ASTN2: variants seen among roughly 807,000 people sequenced by gnomAD.
ASTN2 encodes the protein astrotactin-2.
ASTN2 carries 54 observed loss-of-function variants against 139.8 expected under a neutral mutation model. The ratio of observed to expected loss-of-function variants is 0.39; its 90% CI spans 0.31 to 0.48. The LOEUF is 0.48. Ranked by LOEUF, ASTN2 falls within the 20% of genes least tolerant of loss-of-function variation. The pLI is 0.95. For synonymous variants in ASTN2, 756 were observed against 719.5 expected, an observed-to-expected ratio of 1.05 and a Z score of -0.81; for missense variants, 1,565 against 1,725.1, an observed-to-expected ratio of 0.91 and a Z score of 1.64.
Position 116,698,249 on chromosome 9 carries a change from C to T in ASTN2, c.2806+27522G>A. 6.2e-7 allele frequency: 1 copy of T among 1,614,156 alleles called. No homozygotes were observed. Among genetic ancestry groups the T allele is most frequent in the Non-Finnish European group, 8.5e-7 (1 of 1,180,034 alleles). On this transcript the variant is annotated intron_variant, in intron 16 of 22. Transcript: ENST00000313400. This position sits in a 1 kb window ranked among gnomAD's most constrained non-coding sequence, Gnocchi z 4.4. The stretch of plus-strand genomic sequence containing the variant: ...GGGAGCTGCAGCGGCGGAAGGCAGC[C>T]TTGGAAGGTGTCTCCAAGGACCTTC...
At chr9:116,738,527 G>T (rs1000313457) in intron 13 of ASTN2, among the ~76,000 whole-genome samples, 1 of 151,408 alleles carries the variant, frequency 6.6e-6, no homozygotes, top group Non-Finnish European at 1.5e-5. Flanking sequence ...CTGTTCAGAT[G>T]AAGGGTGCCC....
intron 5 of ASTN2, among the ~76,000 whole-genome samples, chr9:117,093,676 C>T (rs1828762202): frequency 6.6e-6 from 1 of 152,190 alleles, no homozygotes; most frequent in Non-Finnish European, 1.5e-5. Flanking sequence ...AATTGCGGGA[C>T]TTGCAGACTG....
At chr9:116,563,919 T>C (rs564904427) in intron 19 of ASTN2, among the ~76,000 whole-genome samples, 2 of 152,278 alleles carry the variant, frequency 1.3e-5, no homozygotes, top group South Asian at 4.2e-4. Flanking sequence ...TAGATATTTG[T>C]TGAATAACTG....
intron 3 of ASTN2, among the ~76,000 whole-genome samples, chr9:117,177,988 G>A (rs959026397): frequency 6.6e-5 from 10 of 152,262 alleles, no homozygotes; most frequent in Middle Eastern, 3.4e-3. Context: ...ATCGGGCCCT[G>A]TCTTAGGTCT....
intron 1 of ASTN2, among the ~76,000 whole-genome samples, chr9:117,393,684 T>A (rs1221756596): frequency 6.6e-6 from 1 of 152,170 alleles, no homozygotes; most frequent in African/African-American, 2.4e-5. Context: ...GACAGTTCCA[T>A]CCGCTCCTGT....
intron 20 of ASTN2, among the ~76,000 whole-genome samples, chr9:116,487,046 A>T (rs962312960): frequency 6.6e-6 from 1 of 152,128 alleles, no homozygotes; most frequent in African/African-American, 2.4e-5. Context: ...TGACCCAACC[A>T]TCCTTGATAA....
At chr9:117,035,944 G>A (rs6478273) in intron 6 of ASTN2, among the ~76,000 whole-genome samples, 3,179 of 152,208 alleles carry the variant, frequency 0.021, 112 homozygotes, top group African/African-American at 0.063. Context: ...TTCTTGCCTT[G>A]CCATATTCCA....
chr9:117,263,465 T>C (rs1050314865), intron 2 of ASTN2, among the ~76,000 whole-genome samples: 1 of 152,200 alleles, frequency 6.6e-6, no homozygotes, highest in East Asian at 1.9e-4. Flanking sequence ...TAAATACCAT[T>C]TCTTGAAATA....
chr9:116,714,538 C>A (rs186895209), intron 16 of ASTN2, among the ~76,000 whole-genome samples: 2 of 152,280 alleles, frequency 1.3e-5, no homozygotes, highest in African/African-American at 2.4e-5. Context: ...TCATTTAAAT[C>A]TCATAACAAT....
At chr9:116,907,273 G>A (rs1834187536) in intron 10 of ASTN2, among the ~76,000 whole-genome samples, 1 of 152,228 alleles carries the variant, frequency 6.6e-6, no homozygotes, top group African/African-American at 2.4e-5. Flanking sequence ...CAGCAGCAGA[G>A]CTGGGTAGTG....
At position 116,440,609 on chromosome 9, in the gene ASTN2, C is replaced by T; in HGVS notation, c.3782G>A (p.Arg1261Lys). ...VWRSEDELGP[R>K]KAHLILRRLE... ...TCCAATCACACAAATACGCCCATAC[C>T]TGGGCCCCAGCTCATCCTCACTTCT... The change falls in exon 22 of 23, where the codon AGG becomes AAG. Residue 1261 changes from arginine to lysine, a missense_variant and splice_region_variant. By Grantham distance (26) the Arg-to-Lys change is conservative (BLOSUM62 2). This residue lies in a region of ASTN2 where 418 missense variants were observed against 465.8 expected (regional missense o/e 0.90). Coordinates refer to ENST00000313400, the MANE Select transcript of ASTN2 (RefSeq NM_001365068.1). 6.2e-7 allele frequency: 1 copy of T among 1,612,982 alleles called. No individual in the cohort carries two copies. Among genetic ancestry groups the T allele is most frequent in the Admixed American group, 1.7e-5 (1 of 60,030 alleles).
At position 116,487,461 on chromosome 9, in the gene ASTN2, AG is replaced by A; in HGVS notation, c.3394del (p.Leu1132TrpfsTer6). On this transcript the variant is annotated frameshift_variant, in exon 20 of 23. Coordinates refer to ENST00000313400, the MANE Select transcript of ASTN2 (RefSeq NM_001365068.1). LOFTEE classifies it high-confidence loss of function. ...ACCAGCTGCTACACAAGATGTGCCC[AG>A]GCCAGAGAGTAAGTCATCAGCAAAA... ...LSFADDLLSG[L>X]GTSCVAAGRS... The A allele has an allele frequency of 6.2e-7, 1 of 1,614,074 alleles. No homozygotes were observed. Among genetic ancestry groups the A allele is most frequent in the Non-Finnish European group, 8.5e-7 (1 of 1,179,964 alleles).
chr9:117,064,748 CA>C (rs1368821357), intron 5 of ASTN2, among the ~76,000 whole-genome samples: 1 of 151,924 alleles, frequency 6.6e-6, no homozygotes, highest in Non-Finnish European at 1.5e-5. Context: ...AGCTTTACCA[CA>C]ATCTATCCAT....
chr9:117,102,667 T>C (rs370859430), intron 4 of ASTN2, among the ~76,000 whole-genome samples: 7 of 152,088 alleles, frequency 4.6e-5, no homozygotes, highest in African/African-American at 1.7e-4. Flanking sequence ...GGATTACAGG[T>C]GTGCATCACC....
In ASTN2 at chr9:117,016,659, CTA is replaced by C. The variant is rs1235981544; in HGVS notation, c.1424-8402_1424-8401del. Among the ~76,000 whole-genome samples the C allele has an allele frequency of 1.9e-3, 23 of 11,970 alleles. 2 individuals carry two copies. Among genetic ancestry groups the C allele is most frequent in the African/African-American group, 4.0e-3 (21 of 5,272 alleles). 7.9% of individuals were successfully genotyped at this position (11,970 alleles called of 152,430 possible). Reference sequence around the variant, plus strand: ...ATATATATATATATATATATATAACCTATATATATGTTACATATATATAGGTT... The same window carrying C: ...ATATATATATATATATATATATAACCTATATATGTTACATATATATAGGTT... On this transcript the variant is annotated intron_variant, in intron 6 of 22. Coordinates refer to ENST00000313400, the MANE Select transcript of ASTN2 (RefSeq NM_001365068.1).
intron 5 of ASTN2, among the ~76,000 whole-genome samples, chr9:117,085,100 T>C (rs1454084424): frequency 6.6e-6 from 1 of 152,162 alleles, no homozygotes; most frequent in East Asian, 1.9e-4. Context: ...CTTGTTGTCT[T>C]CTGTTTCTGA....
chr9:117,382,166 A>G (rs1830290413), intron 1 of ASTN2, among the ~76,000 whole-genome samples: 1 of 152,174 alleles, frequency 6.6e-6, no homozygotes, highest in Non-Finnish European at 1.5e-5. Context: ...GAGGGAGTCA[A>G]GAAAGTGTAG....
At chr9:116,661,481 A>C (rs1564189757) in intron 16 of ASTN2, among the ~76,000 whole-genome samples, 1 of 152,178 alleles carries the variant, frequency 6.6e-6, no homozygotes, top group South Asian at 2.1e-4. Context: ...CAAGGGGGGA[A>C]AATATGAATA....
chr9:117,071,390 T>G (rs1274283457), intron 5 of ASTN2, among the ~76,000 whole-genome samples: 1 of 151,528 alleles, frequency 6.6e-6, no homozygotes, highest in Non-Finnish European at 1.5e-5. Flanking sequence ...AGCTGCGTGC[T>G]GGGAGAACCA....
Sources: allele counts gnomAD v4.1 joint callset (sites outside exome capture counted in the v4.1 genomes callset), GRCh38; gene constraint gnomAD v4.1.1; regional missense constraint gnomAD v4.1.1; non-coding constraint Gnocchi (gnomAD v3.1); transcripts MANE v1.5; gene names NCBI Gene and HGNC (gene_info 2026-07-23, HGNC 2026-07-21).